SHANK2: variants seen among roughly 807,000 people sequenced by gnomAD.
SHANK2 encodes SH3 and multiple ankyrin repeat domains 2, also known as SH3 and multiple ankyrin repeat domains protein 2.
In SHANK2, 43 loss-of-function variants were observed where a neutral mutation model predicts 133.7. The ratio of observed to expected loss-of-function variants is 0.32; its 90% CI spans 0.25 to 0.41. The LOEUF (loss-of-function observed/expected upper bound fraction) is 0.41, where lower values mean the gene tolerates loss of function less well. Ranked by LOEUF, SHANK2 falls within the 10% of genes least tolerant of loss-of-function variation. The pLI is 1.00. For synonymous variants in SHANK2, 1,017 were observed against 952.8 expected, an observed-to-expected ratio of 1.07 and a Z score of -1.24; for missense variants, 1,994 against 2,235.8, an observed-to-expected ratio of 0.89 and a Z score of 2.18.
chr11:71,215,232 T>C lies in SHANK2; in HGVS notation c.-13+9465A>G, dbSNP rs989371394. ...CCTGGAGCCGCAGCAGGGCCCACGC[T>C]CTCTCTGAGCCTCGGTGTCCACCAC... is the stretch of plus-strand genomic sequence containing the variant. On this transcript the variant is annotated intron_variant, in intron 2 of 25. Transcript: ENST00000601538. 3.3e-5 allele frequency among the ~76,000 whole-genome samples: 5 copies of C among 152,074 alleles called. No individual in the cohort carries two copies. The East Asian group carries it at 5.8e-4, about 18-fold the overall frequency.
intron 2 of SHANK2, among the ~76,000 whole-genome samples, chr11:71,191,263 T>C (rs1555115373): frequency 6.6e-6 from 1 of 152,176 alleles, no homozygotes; most frequent in Non-Finnish European, 1.5e-5. Flanking sequence ...TTAATACTGA[T>C]AAACTGTGTG....
intron 10 of SHANK2, among the ~76,000 whole-genome samples, chr11:70,921,426 T>C (rs1231901563): frequency 6.6e-6 from 1 of 151,774 alleles, no homozygotes; most frequent in Non-Finnish European, 1.5e-5. Flanking sequence ...ATCCCTGGAG[T>C]TTTTAGCAGT....
rs954720106 is a variant in SHANK2, at chr11:71,059,980, G to A, written c.1030-3422C>T. Reference sequence around the variant, plus strand: ...GTGAGTGTGGACCGCTCCACAGACCGTGCTGAGTGTTCTGTCCCACTGCCC... The same window carrying A: ...GTGAGTGTGGACCGCTCCACAGACCATGCTGAGTGTTCTGTCCCACTGCCC... On this transcript the variant is annotated intron_variant, in intron 9 of 25. Transcript: ENST00000601538. Among the ~76,000 whole-genome samples, 256 of 152,276 alleles carry A rather than the reference G, an allele frequency of 1.7e-3. 1 individual carries two copies. Among genetic ancestry groups the A allele is most frequent in the African/African-American group, 5.6e-3 (233 of 41,576 alleles).
At chr11:71,073,156 C>T (rs1251106532) in intron 9 of SHANK2, among the ~76,000 whole-genome samples, 20,173 of 35,604 alleles carry the variant, frequency 0.57, 6,418 homozygotes, top group Middle Eastern at 0.81. Context: ...TCTTTTTTTT[C>T]TTTTTTTTCT....
At chr11:70,507,825 C>T (rs1021059223) in intron 17 of SHANK2, among the ~76,000 whole-genome samples, 10 of 152,324 alleles carry the variant, frequency 6.6e-5, no homozygotes, top group South Asian at 2.1e-4. Flanking sequence ...GTCCCAGTGA[C>T]GCGCGTTTGT....
intron 11 of SHANK2, among the ~76,000 whole-genome samples, chr11:70,867,444 A>G (rs1402298375): frequency 6.6e-6 from 1 of 152,170 alleles, no homozygotes; most frequent in Non-Finnish European, 1.5e-5. Flanking sequence ...AACAGCAAAC[A>G]GCTATGTCCA....
chr11:70,568,404 G>T (rs1385344270), intron 17 of SHANK2, among the ~76,000 whole-genome samples: 2 of 152,192 alleles, frequency 1.3e-5, no homozygotes, highest in African/African-American at 2.4e-5. Context: ...TCCTTGCAGA[G>T]AACTTCTCTG....
At chr11:71,224,130 T>G (rs1954602228) in intron 2 of SHANK2, among the ~76,000 whole-genome samples, 2 of 152,248 alleles carry the variant, frequency 1.3e-5, no homozygotes. Context: ...AATTCCACTT[T>G]CTGCATGGAG....
chr11:71,190,440 C>G (rs1953769408), intron 2 of SHANK2, among the ~76,000 whole-genome samples: 1 of 152,232 alleles, frequency 6.6e-6, no homozygotes, highest in Non-Finnish European at 1.5e-5. Context: ...GTCTGCCGCA[C>G]TCCTGAACTA....
rs1413171886 is a variant in SHANK2 at position 70,472,406 on chromosome 11, C to CT, written c.*462dup. ...GGGGCAGGTGAGCATCAGGTGTCCTCTGAGAGGCCACAGGACTGAGGAAAG... is the reference window on the plus strand; with the variant it reads ...GGGGCAGGTGAGCATCAGGTGTCCTCTTGAGAGGCCACAGGACTGAGGAAAG... On this transcript the variant is annotated 3_prime_UTR_variant, in exon 26 of 26. Transcript: ENST00000601538. The surrounding 1 kb of genome is among the most constrained non-coding windows in gnomAD (Gnocchi z 4.4). 1 of 197,174 alleles carries CT rather than the reference C, an allele frequency of 5.1e-6. No homozygotes were observed. The highest frequency in any genetic ancestry group is 1.3e-4 in the East Asian group (1 of 7,674). The allele number at this position is 197,174 out of a possible 1,614,324, so 12.2% of individuals were successfully genotyped here. A position where few individuals can be genotyped will look rare whatever the true frequency, so the allele number is the denominator to read the frequency against.
At chr11:70,502,751 C>CCCCCCCCA in intron 18 of SHANK2, 45 bp downstream of exon 18, 1 of 1,319,664 alleles carries the variant, frequency 7.6e-7, no homozygotes, top group Non-Finnish European at 1.0e-6. Flanking sequence ...ACCCCCCCCC[C>CCCCCCCCA]CCAGTAGGGC....
intron 2 of SHANK2, among the ~76,000 whole-genome samples, chr11:71,192,838 A>G (rs1367205011): frequency 2.0e-5 from 3 of 152,266 alleles, no homozygotes; most frequent in Admixed American, 2.0e-4. Flanking sequence ...GGTGACACCC[A>G]GAGAATGCAA....
At chr11:70,845,065 G>A (rs1458888183) in intron 11 of SHANK2, among the ~76,000 whole-genome samples, 2 of 151,742 alleles carry the variant, frequency 1.3e-5, no homozygotes, top group Non-Finnish European at 2.9e-5. Context: ...CAGGTGTGGT[G>A]GCACACACCT....
At chr11:71,064,505 G>A (rs1273112940) in intron 9 of SHANK2, among the ~76,000 whole-genome samples, 1 of 152,190 alleles carries the variant, frequency 6.6e-6, no homozygotes, top group Non-Finnish European at 1.5e-5. Context: ...CAAGCCCTGG[G>A]TTATGCAAAG....
At chr11:70,626,482 C>A (rs1222382442) in intron 17 of SHANK2, among the ~76,000 whole-genome samples, 1 of 152,186 alleles carries the variant, frequency 6.6e-6, no homozygotes, top group African/African-American at 2.4e-5. Flanking sequence ...GTTCGACAAC[C>A]CCCAGGTGGC....
chr11:70,555,766 A>G (rs1411999274), intron 17 of SHANK2, among the ~76,000 whole-genome samples: 2 of 152,238 alleles, frequency 1.3e-5, no homozygotes, highest in African/African-American at 4.8e-5. Context: ...TCCAGTGAAC[A>G]TACAAATTAT....
chr11:71,110,663 C>A (rs542755311), intron 5 of SHANK2, among the ~76,000 whole-genome samples: 2 of 152,278 alleles, frequency 1.3e-5, no homozygotes, highest in South Asian at 4.2e-4. Flanking sequence ...GGAGACCCAC[C>A]CTCGCCAGGG....
At chr11:70,769,488 G>C (rs548093824) in intron 14 of SHANK2, among the ~76,000 whole-genome samples, 1 of 152,310 alleles carries the variant, frequency 6.6e-6, no homozygotes, top group African/African-American at 2.4e-5. Flanking sequence ...CCTGAACAAC[G>C]CTGGAGCTGC....
chr11:70,599,893 G>GAAAGAAAGAAAGAA (rs1565166159), intron 17 of SHANK2, among the ~76,000 whole-genome samples: 1,236 of 92,446 alleles, frequency 0.013, 67 homozygotes, highest in Admixed American at 0.02. Flanking sequence ...GAAAGAAAAA[G>GAAAGAAAGAAAGAA]AAAGAAAGAA....
Sources: allele counts gnomAD v4.1 joint callset (sites outside exome capture counted in the v4.1 genomes callset), GRCh38; gene constraint gnomAD v4.1.1; non-coding constraint Gnocchi (gnomAD v3.1); transcripts MANE v1.5; gene names NCBI Gene and HGNC (gene_info 2026-07-23, HGNC 2026-07-21).